The following NME9 variants were observed in gnomAD, a reference collection of about 807,000 sequenced individuals.
The protein encoded by NME9 is NME/NM23 family member 9.
In NME9, 48 loss-of-function variants were observed where a neutral mutation model predicts 44.4. The observed-to-expected ratio is 1.08, with a 90% CI of 0.86 to 1.37. NME9 has a LOEUF of 1.37. Among genes scored for constraint, NME9 ranks in the 40% most tolerant of loss-of-function variants. The pLI, the probability that NME9 is intolerant of heterozygous loss-of-function variation, is 0.00. For synonymous variants in NME9, 139 were observed against 147.1 expected (o/e 0.94, Z 0.40); for missense variants, 325 against 405.2 (o/e 0.80, Z 1.70).
chr3:138,274,337 A>C, intron 8 of NME9: 1 of 687,184 alleles, frequency 1.5e-6, no homozygotes, highest in Non-Finnish European at 2.5e-6. Flanking sequence ...TATATGCTAT[A>C]GTGTTTTGCA....
chr3:138,318,271 C>A (rs1341877495), intron 3 of NME9, 52 bp from the exon 4 acceptor site: 2 of 1,196,962 alleles, frequency 1.7e-6, no homozygotes, highest in Non-Finnish European at 2.5e-6. Flanking sequence ...GTGCAGGGCC[C>A]AATTGATTGG....
At chr3:138,294,761 A>ATG (rs2108404677) in intron 8 of NME9, among the ~76,000 whole-genome samples, 1 of 152,260 alleles carries the variant, frequency 6.6e-6, no homozygotes, top group Non-Finnish European at 1.5e-5. Context: ...AAACTTTACC[A>ATG]TGTTTGTGAT....
chr3:138,290,394 C>T (rs975010162), intron 8 of NME9, among the ~76,000 whole-genome samples: 2 of 152,118 alleles, frequency 1.3e-5, no homozygotes, highest in Non-Finnish European at 2.9e-5. Flanking sequence ...CAAGCATGAG[C>T]GGGTCCAACT....
intron 6 of NME9, among the ~76,000 whole-genome samples, chr3:138,307,821 G>A (rs560593868): frequency 5.9e-5 from 9 of 152,292 alleles, no homozygotes; most frequent in South Asian, 2.1e-4. Flanking sequence ...CTCAGAAACC[G>A]GAAGAGAAGG....
At chr3:138,308,170 A>T (rs569898439) in intron 6 of NME9, among the ~76,000 whole-genome samples, 13 of 152,354 alleles carry the variant, frequency 8.5e-5, no homozygotes, top group Non-Finnish European at 1.5e-4. Context: ...TGTCTCCTGC[A>T]GAATCACAAT....
chr3:138,311,309 A>G lies in NME9; in HGVS notation c.460+3023T>C, dbSNP rs143073786. Among the ~76,000 whole-genome samples, 1,167 of 152,296 alleles carry G rather than the reference A, an allele frequency of 7.7e-3. 5 individuals are homozygous for G. Among genetic ancestry groups the G allele is most frequent in the Non-Finnish European group, 0.012 (820 of 68,012 alleles). The stretch of plus-strand genomic sequence containing the variant: ...ATGGCTTCAATTCTAAATTCTACCA[A>G]ACATTTAAAGAATAACTAATACCAA... On this transcript the variant is annotated intron_variant, in intron 6 of 10. Transcript: ENST00000333911.
chr3:138,315,027 A>G (rs1272483680), intron 5 of NME9, among the ~76,000 whole-genome samples: 3 of 152,254 alleles, frequency 2.0e-5, no homozygotes, highest in African/African-American at 7.2e-5. Context: ...AGTCAATGTT[A>G]TCATGGAAAT....
chr3:138,295,823 C>A (rs757636153), intron 8 of NME9: 1 of 1,611,900 alleles, frequency 6.2e-7, no homozygotes, highest in Non-Finnish European at 8.5e-7. Context: ...AATTACAATT[C>A]TGAGATGATG....
chr3:138,322,065 A>G (rs2053497747), intron 2 of NME9, among the ~76,000 whole-genome samples: 1 of 151,976 alleles, frequency 6.6e-6, no homozygotes, highest in African/African-American at 2.4e-5. Context: ...CACAATTGAC[A>G]GATTTTGTTT....
At chr3:138,270,798 A>G (rs2048719129) in intron 8 of NME9, among the ~76,000 whole-genome samples, 1 of 152,160 alleles carries the variant, frequency 6.6e-6, no homozygotes. Flanking sequence ...TAAAACTTTG[A>G]GGTTAGAGAA....
downstream of NME9, among the ~76,000 whole-genome samples, chr3:138,299,986 A>C (rs901909175): frequency 6.6e-6 from 1 of 152,100 alleles, no homozygotes; most frequent in Admixed American, 6.5e-5. Flanking sequence ...GGGCTTCTCC[A>C]AGTCGTTTGC....
chr3:138,303,673 C>T (rs753468564), intron 9 of NME9, 30 bp from the exon 10 acceptor site: 1 of 1,580,016 alleles, frequency 6.3e-7, no homozygotes. Flanking sequence ...GTAAAAGAAA[C>T]AATTGTTTCA....
At chr3:138,293,125 G>A (rs1006279712) in intron 8 of NME9, among the ~76,000 whole-genome samples, 1 of 152,194 alleles carries the variant, frequency 6.6e-6, no homozygotes, top group Non-Finnish European at 1.5e-5. Context: ...CAGGTTGTCT[G>A]CTCCACTGAA....
chr3:138,274,353 C>A, intron 8 of NME9: 1 of 750,836 alleles, frequency 1.3e-6, no homozygotes, highest in Non-Finnish European at 2.3e-6. Context: ...TTGCATGAAG[C>A]AGTTGTGAAT....
At chr3:138,279,223 A>G (rs918872256) in intron 8 of NME9, among the ~76,000 whole-genome samples, 2 of 152,164 alleles carry the variant, frequency 1.3e-5, no homozygotes, top group Non-Finnish European at 2.9e-5. Flanking sequence ...ATAAATAGAT[A>G]TTGGATTATT....
At position 138,325,905 on chromosome 3, in the gene NME9, G is replaced by GA. The variant is rs961525467; in HGVS notation, c.34-976dup. Among the ~76,000 whole-genome samples, 64 of 151,092 alleles carry GA rather than the reference G, an allele frequency of 4.2e-4. 1 individual carries two copies. Among genetic ancestry groups the GA allele is most frequent in the Non-Finnish European group, 6.0e-4 (41 of 67,840 alleles). ...CACATTACGATAATCAAAATCAGGG[G>GA]AAAAAAACACTGACATATTGTGAAC... On this transcript the variant is annotated intron_variant, in intron 1 of 10. Transcript: ENST00000333911.
At chr3:138,282,040 C>T (rs966478708) in intron 8 of NME9, among the ~76,000 whole-genome samples, 5 of 152,218 alleles carry the variant, frequency 3.3e-5, no homozygotes, top group African/African-American at 1.2e-4. Flanking sequence ...TATGATTCTT[C>T]CATGTGCTGC....
intron 8 of NME9, among the ~76,000 whole-genome samples, chr3:138,305,267 G>A (rs1433915912): frequency 1.3e-5 from 2 of 152,148 alleles, no homozygotes; most frequent in Non-Finnish European, 1.5e-5. Context: ...TCAGAATGAC[G>A]AGACTTTTAA....
intron 8 of NME9, chr3:138,284,295 T>A: frequency 1.5e-6 from 1 of 668,532 alleles, no homozygotes; most frequent in Admixed American, 2.3e-5. Flanking sequence ...TGTCAGCAGA[T>A]GAGAAATCAG....
Sources: gnomAD v4.1 joint callset for allele counts (sites outside exome capture counted in the v4.1 genomes callset) on GRCh38, gnomAD v4.1.1 for gene constraint, MANE v1.5 for transcripts, NCBI Gene and HGNC (gene_info 2026-07-23, HGNC 2026-07-21) for gene names.